Variants in RASAL2 observed in about 807,000 individuals in gnomAD.
The protein encoded by RASAL2 is RAS protein activator like 2.
RASAL2 carries 58 observed loss-of-function variants against 128.9 expected under a neutral mutation model. That is an observed-to-expected ratio of 0.45 (90% CI 0.36 to 0.56). RASAL2 has a LOEUF of 0.56. Among genes scored for constraint, RASAL2 ranks in the 20% least tolerant of loss-of-function variants. The probability of loss-of-function intolerance (pLI) is 0.00; values close to 1 mark genes in which losing one functional copy is unlikely to be tolerated. For synonymous variants in RASAL2, 561 were observed against 580.8 expected (o/e 0.97, Z 0.49); for missense variants, 1,360 against 1,601.6 (o/e 0.85, Z 2.57).
intron 4 of RASAL2, among the ~76,000 whole-genome samples, chr1:178,392,954 C>T (rs1290386005): frequency 1.3e-5 from 2 of 152,160 alleles, no homozygotes; most frequent in Non-Finnish European, 2.9e-5. Flanking sequence ...GCAACTGGTA[C>T]AGCAGGGTAT....
At chr1:178,322,452 C>G (rs1668838634) in intron 3 of RASAL2, among the ~76,000 whole-genome samples, 1 of 152,138 alleles carries the variant, frequency 6.6e-6, no homozygotes, top group Non-Finnish European at 1.5e-5. Context: ...AGTTCCAGAC[C>G]TGAATTCCCA....
At chr1:178,227,105 A>G (rs1663819115) in intron 1 of RASAL2, among the ~76,000 whole-genome samples, 1 of 152,156 alleles carries the variant, frequency 6.6e-6, no homozygotes, top group African/African-American at 2.4e-5. Flanking sequence ...TACTTGCTGT[A>G]CACTTCAGGT....
intron 5 of RASAL2, among the ~76,000 whole-genome samples, chr1:178,434,373 C>A (rs1460224785): frequency 6.6e-6 from 1 of 152,018 alleles, no homozygotes; most frequent in East Asian, 1.9e-4. Flanking sequence ...TGTATATGTA[C>A]CAAGTACAAA....
At chr1:178,258,471 C>G (rs1281950256) in intron 1 of RASAL2, among the ~76,000 whole-genome samples, 3 of 152,096 alleles carry the variant, frequency 2.0e-5, no homozygotes, top group African/African-American at 4.8e-5. Context: ...GTAGATAGTT[C>G]TCTAAGGATG....
chr1:178,355,778 T>G (rs1670770196), intron 3 of RASAL2, among the ~76,000 whole-genome samples: 2 of 151,978 alleles, frequency 1.3e-5, no homozygotes, highest in South Asian at 2.1e-4. Context: ...AATAGAAAAA[T>G]GGGCAGAGAC....
chr1:178,402,434 A>G (rs539709890), intron 4 of RASAL2, among the ~76,000 whole-genome samples: 21 of 152,178 alleles, frequency 1.4e-4, no homozygotes, highest in African/African-American at 5.1e-4. Context: ...TATATATTAT[A>G]TATAGTAAGG....
intron 3 of RASAL2, among the ~76,000 whole-genome samples, chr1:178,323,213 G>A (rs764368412): frequency 1.3e-5 from 2 of 152,102 alleles, no homozygotes; most frequent in Non-Finnish European, 2.9e-5. Flanking sequence ...TTACTAGATT[G>A]GAACCTCTTA....
intron 17 of RASAL2, 123 bp from the exon 18 acceptor site, chr1:178,472,952 A>G: frequency 8.8e-7 from 1 of 1,142,656 alleles, no homozygotes; most frequent in Non-Finnish European, 1.3e-6. Context: ...GAGACGTTCC[A>G]TTTGTCTGGG....
At chr1:178,165,377 A>G (rs557944456) in intron 1 of RASAL2, among the ~76,000 whole-genome samples, 2 of 152,310 alleles carry the variant, frequency 1.3e-5, no homozygotes, top group East Asian at 3.9e-4. Context: ...ATTATTCCCT[A>G]AACAATGTAA....
chr1:178,111,717 A>G (rs1659329422), intron 1 of RASAL2, among the ~76,000 whole-genome samples: 1 of 152,034 alleles, frequency 6.6e-6, no homozygotes, highest in South Asian at 2.1e-4. Flanking sequence ...AAAATGTTCA[A>G]TCTTTTGTCT....
intron 1 of RASAL2, among the ~76,000 whole-genome samples, chr1:178,279,799 T>C (rs906860111): frequency 6.6e-6 from 1 of 152,178 alleles, no homozygotes; most frequent in African/African-American, 2.4e-5. Flanking sequence ...AAAATTTGCA[T>C]CTGCAACTTT....
chr1:178,471,989 A>G (rs1648316032), intron 17 of RASAL2, among the ~76,000 whole-genome samples: 1 of 152,148 alleles, frequency 6.6e-6, no homozygotes, highest in Non-Finnish European at 1.5e-5. Context: ...CTTTGGAGGT[A>G]TTCCCTATGT....
chr1:178,394,238 T>G (rs896467255), intron 4 of RASAL2, among the ~76,000 whole-genome samples: 3 of 152,218 alleles, frequency 2.0e-5, no homozygotes, highest in Non-Finnish European at 2.9e-5. Context: ...AAAAACAACT[T>G]TAGTCATTTG....
At chr1:178,170,398 A>G (rs1409502304) in intron 1 of RASAL2, among the ~76,000 whole-genome samples, 2 of 151,794 alleles carry the variant, frequency 1.3e-5, no homozygotes, top group African/African-American at 4.8e-5. Flanking sequence ...GGATGCTGCT[A>G]ATGTGGGAAG....
intron 17 of RASAL2, among the ~76,000 whole-genome samples, chr1:178,469,597 C>A (rs1483383720): frequency 1.3e-5 from 2 of 152,116 alleles, no homozygotes; most frequent in South Asian, 4.2e-4. Flanking sequence ...ATCCTCAAAC[C>A]GTAAGTCACT....
intron 2 of RASAL2, among the ~76,000 whole-genome samples, chr1:178,289,831 C>T (rs936146432): frequency 9.2e-5 from 14 of 152,162 alleles, no homozygotes; most frequent in Admixed American, 4.6e-4. Flanking sequence ...CTGTCTTCAT[C>T]GTTATTTCAT....
At chr1:178,406,453 A>C (rs1381930628) in intron 4 of RASAL2, among the ~76,000 whole-genome samples, 2 of 152,218 alleles carry the variant, frequency 1.3e-5, no homozygotes, top group Non-Finnish European at 2.9e-5. Context: ...GAAAGGCATG[A>C]AGACATTTTT....
intron 15 of RASAL2, 78 bp from the exon 16 acceptor site, chr1:178,465,842 G>A (rs376378402): frequency 9.0e-7 from 1 of 1,115,850 alleles, no homozygotes. Context: ...GAAAGAAAGA[G>A]AAAGAAAGAA....
chr1:178,094,817 T>G (rs1346725114), intron 1 of RASAL2, 123 bp downstream of exon 1: 1 of 1,198,144 alleles, frequency 8.3e-7, no homozygotes, highest in African/African-American at 1.5e-5. Context: ...CCCACATCCC[T>G]TTTTGTTCTG....
Sources: gnomAD v4.1 joint callset for allele counts (sites outside exome capture counted in the v4.1 genomes callset) on GRCh38, gnomAD v4.1.1 for gene constraint, MANE v1.5 for transcripts, NCBI Gene and HGNC (gene_info 2026-07-23, HGNC 2026-07-21) for gene names.